The following STK31 variants were observed in gnomAD, a reference collection of about 807,000 sequenced individuals.
STK31 encodes serine/threonine-protein kinase 31.
Under a neutral mutation model 129.7 loss-of-function variants are expected in STK31, and 89 were observed. That is an observed-to-expected ratio of 0.69 (90% CI 0.58 to 0.82). The LOEUF is 0.82. Among genes scored for constraint, STK31 ranks in the 40% least tolerant of loss-of-function variants. STK31 has a pLI of 0.00. For synonymous variants in STK31, 448 were observed against 395.3 expected, an observed-to-expected ratio of 1.13 and a Z score of -1.58; for missense variants, 1,187 against 1,176.4, an observed-to-expected ratio of 1.01 and a Z score of -0.13.
chr7:23,815,098 C>T (rs2390814), intron 22 of STK31, 46 bp from the exon 23 acceptor site: 1,003,132 of 1,370,232 alleles, frequency 0.73, 370,247 homozygotes, highest in African/African-American at 0.94. Flanking sequence ...TATAGATTGG[C>T]GTATTAATAC....
At position 23,762,917 on chromosome 7, in the gene STK31, A is replaced by G. The variant is rs1789556245; in HGVS notation, c.1410A>G (p.Thr470=). 1.3e-6 allele frequency: 2 copies of G among 1,565,384 alleles called. No homozygotes were observed. Among genetic ancestry groups the G allele is most frequent in the Middle Eastern group, 1.8e-4 (1 of 5,636 alleles). ...CATCTCTTAATAAACGCTTAAAAAC[A>G]TTGCAGGTTGGAATTAAAAATATAT... ...DESSLNKRLK[T]LQDLSVSLEA... The change falls in exon 11 of 24, where the codon ACA becomes ACG. Residue 470 remains threonine, a synonymous_variant. Transcript: ENST00000355870.
chr7:23,769,312 G>C (rs1790034262), intron 12 of STK31, 138 bp downstream of exon 12: 4 of 759,204 alleles, frequency 5.3e-6, no homozygotes, highest in South Asian at 8.3e-5. Context: ...TACCAGTCAA[G>C]GTTCTTTATT....
chr7:23,742,634 C>T (rs1014693170), intron 8 of STK31, among the ~76,000 whole-genome samples: 7 of 152,200 alleles, frequency 4.6e-5, no homozygotes, highest in Non-Finnish European at 8.8e-5. Context: ...TGTTTCCCTG[C>T]GTACAGTAGC....
intron 10 of STK31, among the ~76,000 whole-genome samples, chr7:23,761,254 T>C (rs951048716): frequency 1.1e-4 from 16 of 152,188 alleles, no homozygotes; most frequent in African/African-American, 3.9e-4. Flanking sequence ...ACTTAAAGTT[T>C]ACTTGATAGA....
At chr7:23,775,471 T>G (rs1584425201) in intron 15 of STK31, among the ~76,000 whole-genome samples, 1 of 152,248 alleles carries the variant, frequency 6.6e-6, no homozygotes, top group East Asian at 1.9e-4. Context: ...GCATGAAAAT[T>G]TTTTCCATTT....
chr7:23,817,981 T>G (rs764524974), intron 23 of STK31, among the ~76,000 whole-genome samples: 1 of 152,022 alleles, frequency 6.6e-6, no homozygotes, highest in Non-Finnish European at 1.5e-5. Context: ...CTTTCTAATC[T>G]TTATTATTTC....
In STK31 at chr7:23,735,500, ATGT is replaced by A. The variant is rs778269816; in HGVS notation, c.484-35_484-33del. On this transcript the variant is annotated intron_variant, in intron 6 of 23. Coordinates refer to ENST00000355870, the MANE Select transcript of STK31 (RefSeq NM_031414.5). ...AGGAACAAAATAAGGGAAGAGAAAC[ATGT>A]TGGTGTAGCTGGTTTATGTTTTCTT... 2.0e-6 allele frequency: 3 copies of A among 1,499,356 alleles called. No individual in the cohort carries two copies. In the Admixed American group the frequency reaches 6.6e-5, roughly 33 times the overall value. The allele number at this position is 1,499,356 out of a possible 1,614,324, so 92.9% of individuals were successfully genotyped here.
chr7:23,816,085 A>G (rs903346198), intron 23 of STK31, among the ~76,000 whole-genome samples: 4 of 152,178 alleles, frequency 2.6e-5, no homozygotes, highest in African/African-American at 9.6e-5. Flanking sequence ...TTAAAAAAAC[A>G]TACCTTAGAA....
chr7:23,787,033 T>C, intron 20 of STK31, 109 bp downstream of exon 20: 1 of 1,054,432 alleles, frequency 9.5e-7, no homozygotes, highest in South Asian at 1.5e-5. Context: ...TTTTGACTCA[T>C]GGTATTCTAT....
At chr7:23,710,650 T>C in intron 1 of STK31, 1 of 1,197,152 alleles carries the variant, frequency 8.4e-7, no homozygotes, top group Non-Finnish European at 1.0e-6. Context: ...AAAATAAGTG[T>C]CAGAGAGCTA....
chr7:23,730,690 C>G (rs1357547056), intron 6 of STK31, among the ~76,000 whole-genome samples: 3 of 151,212 alleles, frequency 2.0e-5, no homozygotes, highest in Non-Finnish European at 2.9e-5. Context: ...GTCTGTTGTT[C>G]TTTTCATAGT....
At chr7:23,717,022 C>A (rs1030313448) in intron 3 of STK31, among the ~76,000 whole-genome samples, 1 of 145,942 alleles carries the variant, frequency 6.9e-6, no homozygotes, top group Admixed American at 7.0e-5. Context: ...GTCTCAAACT[C>A]CTGGGCTCAA....
chr7:23,786,798 AG>A, intron 19 of STK31, 39 bp from the exon 20 acceptor site: 2 of 1,586,274 alleles, frequency 1.3e-6, no homozygotes, highest in Non-Finnish European at 1.7e-6. Context: ...ATGTTGAAGA[AG>A]TTTTTACTTG....
intron 21 of STK31, among the ~76,000 whole-genome samples, chr7:23,789,761 T>A (rs1378000025): frequency 6.6e-6 from 1 of 152,188 alleles, no homozygotes; most frequent in African/African-American, 2.4e-5. Context: ...TTGAGCATAC[T>A]ATTTGCATAA....
intron 14 of STK31, chr7:23,771,538 C>T (rs1790194210): frequency 6.5e-6 from 1 of 153,082 alleles, no homozygotes; most frequent in Non-Finnish European, 1.5e-5. Flanking sequence ...AACATACTTT[C>T]TTCATTTAAT....
chr7:23,828,652 G>A (rs1476043191), intron 23 of STK31, among the ~76,000 whole-genome samples: 1 of 152,232 alleles, frequency 6.6e-6, no homozygotes, highest in Non-Finnish European at 1.5e-5. Flanking sequence ...TACCTCAGTT[G>A]GAAATGCAGA....
intron 3 of STK31, among the ~76,000 whole-genome samples, chr7:23,712,711 CAT>C (rs1786051337): frequency 6.6e-6 from 1 of 151,436 alleles, no homozygotes; most frequent in Admixed American, 6.6e-5. Flanking sequence ...GTATTTTTCT[CAT>C]TATAGAATTG....
intron 4 of STK31, among the ~76,000 whole-genome samples, chr7:23,724,840 T>G (rs1786956845): frequency 1.3e-5 from 2 of 152,190 alleles, no homozygotes; most frequent in African/African-American, 4.8e-5. Context: ...GAATTGTTAT[T>G]TATTTATTTG....
chr7:23,757,775 GGGGA>G (rs1789187341), intron 10 of STK31, among the ~76,000 whole-genome samples: 1 of 152,054 alleles, frequency 6.6e-6, no homozygotes. Context: ...TGTCGGGCTG[GGGGA>G]CGGTCAGGTC....
Sources: gnomAD v4.1 joint callset for allele counts (sites outside exome capture counted in the v4.1 genomes callset) on GRCh38, gnomAD v4.1.1 for gene constraint, MANE v1.5 for transcripts, NCBI Gene and HGNC (gene_info 2026-07-23, HGNC 2026-07-21) for gene names.